ANK2: variants seen among roughly 807,000 people sequenced by gnomAD.
ANK2 encodes ankyrin 2.
ANK2 carries 83 observed loss-of-function variants against 360.5 expected under a neutral mutation model. That is an observed-to-expected ratio of 0.23 (90% CI 0.19 to 0.28). ANK2 has a LOEUF of 0.28. ANK2 is among the 10% of genes least tolerant of loss of function. The pLI is 1.00. For missense variants in ANK2, 4,201 were observed against 4,795.7 expected (o/e 0.88, Z 3.66); for synonymous variants, 1,740 against 1,759.5 (o/e 0.99, Z 0.28).
chr4:112,841,006 C>T (rs2061976428), intron 1 of ANK2, among the ~76,000 whole-genome samples: 1 of 152,198 alleles, frequency 6.6e-6, no homozygotes, highest in South Asian at 2.1e-4. Context: ...ACTTTCCCTT[C>T]CCCACAAGGA....
chr4:113,261,511 A>G (rs1265761919), intron 13 of ANK2, among the ~76,000 whole-genome samples: 1 of 152,192 alleles, frequency 6.6e-6, no homozygotes, highest in Admixed American at 6.5e-5. Context: ...CCTGACAATC[A>G]AGACATGGAA....
intron 2 of ANK2, among the ~76,000 whole-genome samples, chr4:112,917,164 A>C (rs1220227164): frequency 6.6e-6 from 1 of 152,264 alleles, no homozygotes; most frequent in African/African-American, 2.4e-5. Flanking sequence ...TCCAAGAACC[A>C]CACAACTACT....
chr4:113,314,176 T>C (rs2081564121), intron 24 of ANK2, among the ~76,000 whole-genome samples: 1 of 152,250 alleles, frequency 6.6e-6, no homozygotes, highest in Non-Finnish European at 1.5e-5. Context: ...ATCTGTTTTA[T>C]TTTATTGTAG....
intron 2 of ANK2, among the ~76,000 whole-genome samples, chr4:113,019,541 G>C (rs867061474): frequency 1.3e-5 from 2 of 152,122 alleles, no homozygotes; most frequent in African/African-American, 2.4e-5. Context: ...TTAGTTTTTA[G>C]ATATTTTTGA....
intron 4 of ANK2, among the ~76,000 whole-genome samples, chr4:113,207,357 A>T (rs1176749456): frequency 6.6e-6 from 1 of 152,200 alleles, no homozygotes; most frequent in Non-Finnish European, 1.5e-5. Context: ...TTATCACTAC[A>T]CAGGCCTATC....
intron 1 of ANK2, among the ~76,000 whole-genome samples, chr4:113,101,073 C>T (rs1270075359): frequency 6.6e-6 from 1 of 152,018 alleles, no homozygotes; most frequent in African/African-American, 2.4e-5. Flanking sequence ...GAATACATGA[C>T]ACAATGTACT....
At chr4:113,304,092 G>C (rs1341857045) in intron 23 of ANK2, among the ~76,000 whole-genome samples, 1 of 152,192 alleles carries the variant, frequency 6.6e-6, no homozygotes, top group Non-Finnish European at 1.5e-5. Flanking sequence ...CCCAAGGCCA[G>C]CAGTTCCAAA....
chr4:113,315,030 C>T (rs1249275840), intron 24 of ANK2, among the ~76,000 whole-genome samples: 2 of 152,018 alleles, frequency 1.3e-5, no homozygotes, highest in African/African-American at 4.8e-5. Context: ...CTACTCTAAT[C>T]AATTTTTTGT....
intron 1 of ANK2, among the ~76,000 whole-genome samples, chr4:112,831,196 G>A (rs763591041): frequency 1.3e-5 from 2 of 152,350 alleles, no homozygotes; most frequent in Non-Finnish European, 2.9e-5. Context: ...GTGCGGGCAC[G>A]CGGCGTGGGA....
chr4:113,338,427 T>C (rs2093827678), intron 31 of ANK2, among the ~76,000 whole-genome samples: 1 of 152,168 alleles, frequency 6.6e-6, no homozygotes, highest in Non-Finnish European at 1.5e-5. Flanking sequence ...TATTGAGCTC[T>C]TACTATTTCA....
At chr4:113,154,271 C>T (rs920025333) in intron 1 of ANK2, among the ~76,000 whole-genome samples, 1 of 152,182 alleles carries the variant, frequency 6.6e-6, no homozygotes, top group African/African-American at 2.4e-5. Flanking sequence ...TACTGTGTAC[C>T]TATATAGAGT....
intron 1 of ANK2, among the ~76,000 whole-genome samples, chr4:112,850,249 C>CATCT (rs200885271): frequency 0.087 from 12,110 of 139,192 alleles, 583 homozygotes; most frequent in Non-Finnish European, 0.1. Context: ...TAAGAAATTT[C>CATCT]ATCTATCTAT....
At chr4:112,833,065 G>A (rs1203562513) in intron 1 of ANK2, among the ~76,000 whole-genome samples, 1 of 152,226 alleles carries the variant, frequency 6.6e-6, no homozygotes, top group Non-Finnish European at 1.5e-5. Flanking sequence ...TTGGACATGG[G>A]ACAGTTTGAA....
chr4:113,178,859 T>G (rs960578607), intron 2 of ANK2, among the ~76,000 whole-genome samples: 10 of 152,212 alleles, frequency 6.6e-5, no homozygotes, highest in African/African-American at 2.4e-4. Flanking sequence ...CACATGGATC[T>G]GTCTGTGTCC....
intron 2 of ANK2, among the ~76,000 whole-genome samples, chr4:113,009,775 T>C (rs1160555475): frequency 6.6e-6 from 1 of 152,276 alleles, no homozygotes; most frequent in East Asian, 1.9e-4. Flanking sequence ...CTCAGTGCTG[T>C]GGTAAATCAA....
At chr4:112,935,924 C>T (rs1291931281) in intron 2 of ANK2, among the ~76,000 whole-genome samples, 1 of 152,156 alleles carries the variant, frequency 6.6e-6, no homozygotes, top group Non-Finnish European at 1.5e-5. Context: ...AAGAACTTAA[C>T]CATCATTCAC....
chr4:113,065,379 T>TTG lies in ANK2; in HGVS notation c.84+15575_84+15576dup, dbSNP rs576097745. ...TCAGTATATATGTGAGTGCTCTCTTTTGTGTGTGTATGCATGCAAGTGACT... is the reference window on the plus strand; with the variant it reads ...TCAGTATATATGTGAGTGCTCTCTTTTGTGTGTGTGTATGCATGCAAGTGACT... On this transcript the variant is annotated intron_variant, in intron 1 of 45. Transcript: ENST00000357077. 2.0e-3 allele frequency among the ~76,000 whole-genome samples: 307 copies of TTG among 152,310 alleles called. 1 individual carries two copies. Among genetic ancestry groups the TTG allele is most frequent in the Admixed American group, 3.3e-3 (50 of 15,290 alleles).
the ANK2 span, among the ~76,000 whole-genome samples, chr4:112,730,466 T>C: frequency 1.3e-5 from 2 of 150,096 alleles, no homozygotes; most frequent in Non-Finnish European, 1.5e-5. Flanking sequence ...TGAAACCCTG[T>C]CTCTACTAAA....
chr4:113,276,311 A>C (rs1162476761), intron 15 of ANK2, among the ~76,000 whole-genome samples: 1 of 152,186 alleles, frequency 6.6e-6, no homozygotes. Flanking sequence ...AAGACATTTA[A>C]GAGGGTAAAT....
Sources: allele counts gnomAD v4.1 joint callset (sites outside exome capture counted in the v4.1 genomes callset), GRCh38; gene constraint gnomAD v4.1.1; transcripts MANE v1.5; gene names NCBI Gene and HGNC (gene_info 2026-07-23, HGNC 2026-07-21).